The following PDZD7 variants were observed in gnomAD, a reference collection of about 807,000 sequenced individuals.
The protein encoded by PDZD7 is PDZ domain-containing protein 7.
Under a neutral mutation model 84.7 loss-of-function variants are expected in PDZD7, and 72 were observed. The ratio of observed to expected loss-of-function variants is 0.85; its 90% CI spans 0.70 to 1.03. PDZD7 has a LOEUF of 1.03. Ranked by LOEUF, PDZD7 falls within the 50% of genes least tolerant of loss-of-function variation. PDZD7 has a pLI of 0.00. For missense variants in PDZD7, 1,490 were observed against 1,412.9 expected, an observed-to-expected ratio of 1.05 and a Z score of -0.87; for synonymous variants, 594 against 580.7, an observed-to-expected ratio of 1.02 and a Z score of -0.33.
At chr10:101,015,879 G>T in intron 10 of PDZD7, 68 bp from the exon 11 acceptor site, 2 of 1,479,670 alleles carry the variant, frequency 1.4e-6, no homozygotes, top group Non-Finnish European at 1.8e-6. Flanking sequence ...CCCAGAATTG[G>T]CCAGCTGAGA....
intron 2 of PDZD7, among the ~76,000 whole-genome samples, chr10:101,026,526 G>T (rs1396284349): frequency 6.6e-6 from 1 of 151,942 alleles, no homozygotes; most frequent in Non-Finnish European, 1.5e-5. Flanking sequence ...AGCCAGGGAG[G>T]CTCAGCTGTG....
intron 3 of PDZD7, 133 bp downstream of exon 3, chr10:101,023,795 C>A: frequency 6.6e-7 from 1 of 1,513,678 alleles, no homozygotes; most frequent in South Asian, 1.1e-5. Context: ...GAGGGTTGGC[C>A]CTGTCTCCCC....
At position 101,012,028 on chromosome 10, in the gene PDZD7, C is replaced by G; in HGVS notation, c.1842-12G>C. ...GGGCCACCACACTCCTGGGAGAGGG[C>G]GAGAGACAGCAGGGGTGGGAGGGGC... On this transcript the variant is annotated splice_polypyrimidine_tract_variant and intron_variant, in intron 12 of 16. Transcript: ENST00000619208. 2 of 1,548,024 alleles carry G rather than the reference C, an allele frequency of 1.3e-6. No homozygotes were observed. Among genetic ancestry groups the G allele is most frequent in the Non-Finnish European group, 8.7e-7 (1 of 1,144,942 alleles).
chr10:101,021,769 C>A (rs775376262), intron 6 of PDZD7, 29 bp downstream of exon 6: 6 of 1,614,186 alleles, frequency 3.7e-6, no homozygotes, highest in Non-Finnish European at 5.1e-6. Flanking sequence ...TCTAGCCTCA[C>A]CTCTCCCTAC....
intron 9 of PDZD7, 137 bp from the exon 10 acceptor site, chr10:101,016,564 G>T: frequency 1.1e-6 from 1 of 872,856 alleles, no homozygotes; most frequent in Non-Finnish European, 1.8e-6. Context: ...GCCTGGCCCT[G>T]AGGGGCTTGA....
chr10:101,015,494 C>T lies in PDZD7; in HGVS notation c.1749+142G>A, dbSNP rs1590052344. 4 of 861,758 alleles carry T rather than the reference C, an allele frequency of 4.6e-6. No homozygotes were observed. In the South Asian group the frequency reaches 7.3e-5, roughly 16 times the overall value. The allele number at this position is 861,758 out of a possible 1,614,324, so 53.4% of individuals were successfully genotyped here. A position where few individuals can be genotyped will look rare whatever the true frequency, so the allele number is the denominator to read the frequency against. Reference sequence around the variant, plus strand: ...TGTGTGTGTGTGTGTGTGTGTGTGACAGGAGTGACTTCTGATTTTACTGAC... The same window carrying T: ...TGTGTGTGTGTGTGTGTGTGTGTGATAGGAGTGACTTCTGATTTTACTGAC... On this transcript the variant is annotated intron_variant, in intron 11 of 16. Transcript: ENST00000619208.
At chr10:101,022,415 G>T in intron 4 of PDZD7, 30 bp from the exon 5 acceptor site, 1 of 1,612,858 alleles carries the variant, frequency 6.2e-7, no homozygotes, top group South Asian at 1.1e-5. Context: ...CCTCAGGTGG[G>T]GTCCTCCATC....
In PDZD7 at chr10:101,018,879, C is replaced by T. The variant is rs201268590; in HGVS notation, c.1267G>A (p.Ala423Thr). 1.0e-4 allele frequency: 168 copies of T among 1,604,818 alleles called. No homozygotes were observed. The East Asian group carries it at 3.6e-3, about 34-fold the overall frequency. ...ATGGGGGGCCGGGGTCGGCTGAGGG[C>T]CAGCAGCAAAGCCGTCTTGGGAGAC... ...SESPKTALLLALSRPRPPITR... is the reference protein window; with the variant it reads ...SESPKTALLLTLSRPRPPITR... The change falls in exon 8 of 17, where the codon GCC becomes ACC. Residue 423 changes from alanine (A) to threonine (T), a missense_variant. Ala to Thr is a moderately conservative substitution (Grantham distance 58). Transcript: ENST00000619208.
intron 11 of PDZD7, 113 bp from the exon 12 acceptor site, chr10:101,012,371 C>T: frequency 1.1e-6 from 1 of 928,238 alleles, no homozygotes; most frequent in East Asian, 2.7e-5. Flanking sequence ...CTATCCAGCC[C>T]TGCGTGCCTT....
At chr10:101,016,759 G>T (rs1799938357) in intron 9 of PDZD7, among the ~76,000 whole-genome samples, 1 of 152,182 alleles carries the variant, frequency 6.6e-6, no homozygotes, top group Middle Eastern at 3.2e-3. Context: ...GGGAAAAAGA[G>T]GAGCCTTGGA....
chr10:101,010,795 G>A lies in PDZD7; in HGVS notation c.2094C>T (p.Leu698=). The change falls in exon 15 of 17, where the codon CTC becomes CTT. Residue 698 remains leucine (L), a synonymous_variant. Coordinates refer to ENST00000619208, the MANE Select transcript of PDZD7 (RefSeq NM_001195263.2). ...GGGCAGAGGCACTTGGGGAGACCTTGAGGGCCCCCAGCCGCTCCCTCAGCT... is the reference window on the plus strand; with the variant it reads ...GGGCAGAGGCACTTGGGGAGACCTTAAGGGCCCCCAGCCGCTCCCTCAGCT... ...NGELRERLGA[L]KVSPSASAPR... The A allele has an allele frequency of 1.3e-6, 2 of 1,535,540 alleles. No individual in the cohort carries two copies. The highest frequency in any genetic ancestry group is 1.7e-6 in the Non-Finnish European group (2 of 1,146,874).
intron 2 of PDZD7, among the ~76,000 whole-genome samples, chr10:101,026,789 G>T (rs576860972): frequency 2.0e-5 from 3 of 151,890 alleles, no homozygotes; most frequent in East Asian, 1.9e-4. Flanking sequence ...AGGGCAGCCT[G>T]GGGGGAGGGG....
intron 8 of PDZD7, among the ~76,000 whole-genome samples, 181 bp downstream of exon 8, chr10:101,018,640 GT>G (rs1852851066): frequency 6.6e-6 from 1 of 152,206 alleles, no homozygotes; most frequent in African/African-American, 2.4e-5. Flanking sequence ...AAGGGTGAAT[GT>G]GGGGTCCAGG....
At chr10:101,014,112 G>T (rs1852502379) in intron 11 of PDZD7, among the ~76,000 whole-genome samples, 1 of 151,764 alleles carries the variant, frequency 6.6e-6, no homozygotes, top group Non-Finnish European at 1.5e-5. Flanking sequence ...GCTCACCTCG[G>T]CCACCCAAAG....
At position 101,017,884 on chromosome 10, in the gene PDZD7, AAAGAAAGAAAAG is replaced by A. The variant is rs1478910897; in HGVS notation, c.1522+203_1522+214del. ...GAAAGAAAGAAAGAAAGAAAGAAAG[AAAGAAAGAAAAG>A]AAAGAAAGAAAGAAAGAAAAGAAAG... On this transcript the variant is annotated intron_variant, in intron 9 of 16. Coordinates refer to ENST00000619208, the MANE Select transcript of PDZD7 (RefSeq NM_001195263.2). 1,113 of 213,218 alleles carry A rather than the reference AAAGAAAGAAAAG, an allele frequency of 5.2e-3. 10 individuals are homozygous for A. Among genetic ancestry groups the A allele is most frequent in the Non-Finnish European group, 8.3e-3 (862 of 103,660 alleles). The allele number at this position is 213,218 out of a possible 1,614,324, so 13.2% of individuals were successfully genotyped here.
rs768609036 is a variant in PDZD7 at position 101,010,571 on chromosome 10, C to T, written c.2318G>A (p.Arg773His). ...GCGGCTGCGGCTACGGCTGCGGCTA[C>T]GGCTCTGAGCCCGGCCCCGGATCTG... The part of the protein sequence containing the change: ...QSQIRGRAQS[R>H]SRSRSRSRSR... The change falls in exon 15 of 17, where the codon CGT becomes CAT. Residue 773 changes from arginine to histidine, a missense_variant. Arg to His is a conservative substitution (Grantham distance 29). Coordinates refer to ENST00000619208, the MANE Select transcript of PDZD7 (RefSeq NM_001195263.2). 30 of 1,517,264 alleles carry T rather than the reference C, an allele frequency of 2.0e-5. 1 individual carries two copies. In the South Asian group the frequency reaches 3.5e-4, roughly 18 times the overall value. 94.0% of individuals were successfully genotyped at this position (1,517,264 alleles called of 1,614,324 possible). A position where few individuals can be genotyped will look rare whatever the true frequency, so the allele number is the denominator to read the frequency against.
rs1852627386 is a variant in PDZD7, at chr10:101,016,373, T to C, written c.1573+4A>G. The C allele has an allele frequency of 1.9e-6, 3 of 1,550,658 alleles. No homozygotes were observed. Among genetic ancestry groups the C allele is most frequent in the African/African-American group, 2.7e-5 (2 of 73,178 alleles). On this transcript the variant is annotated splice_donor_region_variant and intron_variant, in intron 10 of 16. Coordinates refer to ENST00000619208, the MANE Select transcript of PDZD7 (RefSeq NM_001195263.2). Reference sequence around the variant, plus strand: ...AGGCCTTGGTAAAGGGATGCATGAATTACCACGTCTCAGTCTCCAGGTGAC... The same window carrying C: ...AGGCCTTGGTAAAGGGATGCATGAACTACCACGTCTCAGTCTCCAGGTGAC...
rs114917863 is a variant in PDZD7 at position 101,023,608 on chromosome 10, G to A, written c.370C>T (p.Arg124Trp). 449 of 1,611,470 alleles carry A rather than the reference G, an allele frequency of 2.8e-4. 3 individuals carry two copies. The African/African-American group carries it at 3.8e-3, about 14-fold the overall frequency. Residue 124 changes from arginine (R) to tryptophan (W), a missense_variant and splice_region_variant, in exon 4 of 17, where the codon CGG (arginine) becomes TGG (tryptophan). By Grantham distance (101) the Arg-to-Trp change is moderately radical. Transcript: ENST00000619208. ...SKVEEGSSAE[R>W]AGLCVGDKIT... ...TTGTCCCCCACGCACAGGCCAGCCC[G>A]CTCTGCACCACAGGATGGGAGTGGC... is the stretch of plus-strand genomic sequence containing the variant.
In PDZD7 at chr10:101,030,105, C is replaced by A; in HGVS notation, c.115G>T (p.Ala39Ser). 2.5e-6 allele frequency: 4 copies of A among 1,614,194 alleles called. No individual in the cohort carries two copies. Among genetic ancestry groups the A allele is most frequent in the Non-Finnish European group, 3.4e-6 (4 of 1,180,036 alleles). The change falls in exon 2 of 17, where the codon GCA becomes TCA. Residue 39 changes from alanine (A) to serine (S), a missense_variant. Ala to Ser is a moderately conservative substitution (Grantham distance 99). Transcript: ENST00000619208. The stretch of plus-strand genomic sequence containing the variant: ...TGCTTCCTTAGCAGGTATCGCGTTG[C>A]GGTGGAGCCTGAGTCGCTGCCTAGG... ...GHLGSDSGST[A>S]TRYLLRKQQR... is the part of the protein sequence containing the mutation.
Sources: gnomAD v4.1 joint callset for allele counts (sites outside exome capture counted in the v4.1 genomes callset) on GRCh38, gnomAD v4.1.1 for gene constraint, MANE v1.5 for transcripts, NCBI Gene and HGNC (gene_info 2026-07-23, HGNC 2026-07-21) for gene names.